STAU2: variants seen among roughly 807,000 people sequenced by gnomAD.
STAU2 encodes double-stranded RNA-binding protein Staufen homolog 2.
Under a neutral mutation model 65.9 loss-of-function variants are expected in STAU2, and 20 were observed. That is an observed-to-expected ratio of 0.30 (90% CI 0.21 to 0.44). The LOEUF is 0.44. Among genes scored for constraint, STAU2 ranks in the 20% least tolerant of loss-of-function variants. The pLI is 1.00. For missense variants in STAU2, 558 were observed against 683.9 expected, an observed-to-expected ratio of 0.82 and a Z score of 2.05; for synonymous variants, 232 against 233.9, an observed-to-expected ratio of 0.99 and a Z score of 0.07.
At chr8:73,465,362 T>C (rs1189360207) in intron 13 of STAU2, among the ~76,000 whole-genome samples, 1 of 152,244 alleles carries the variant, frequency 6.6e-6, no homozygotes, top group African/African-American at 2.4e-5. Context: ...TCCTAGAATA[T>C]AGCCCATTGT....
chr8:73,614,166 C>T (rs1489994833), intron 8 of STAU2, among the ~76,000 whole-genome samples: 3 of 152,140 alleles, frequency 2.0e-5, no homozygotes, highest in Non-Finnish European at 4.4e-5. Context: ...TAAATAAACA[C>T]ATTTGATTCA....
chr8:73,663,094 G>A lies in STAU2; in HGVS notation c.410+10013C>T, dbSNP rs556678429. Among the ~76,000 whole-genome samples, 6 of 151,882 alleles carry A rather than the reference G, an allele frequency of 4.0e-5. No individual in the cohort carries two copies. In the East Asian group the frequency reaches 9.7e-4, roughly 24 times the overall value. ...CAGAGATCAGCAAACTTCTGTAAAG[G>A]GCCCAATATAAAATATTTTGGGCTT... On this transcript the variant is annotated intron_variant, in intron 6 of 14. Transcript: ENST00000524300.
At chr8:73,462,637 A>G (rs2128900683) in intron 13 of STAU2, among the ~76,000 whole-genome samples, 1 of 151,410 alleles carries the variant, frequency 6.6e-6, no homozygotes, top group East Asian at 2.0e-4. Context: ...GGCTCAAGCA[A>G]TCCTCCTGCC....
At chr8:73,595,787 T>C (rs1374441776) in intron 10 of STAU2, among the ~76,000 whole-genome samples, 14 of 152,080 alleles carry the variant, frequency 9.2e-5, no homozygotes, top group Admixed American at 9.2e-4. Flanking sequence ...CTGAAGAGAA[T>C]TAATATACAA....
At chr8:73,472,214 G>C (rs1008889230) in intron 13 of STAU2, among the ~76,000 whole-genome samples, 1 of 152,158 alleles carries the variant, frequency 6.6e-6, no homozygotes, top group South Asian at 2.1e-4. Flanking sequence ...TTAAAATAAG[G>C]CTTCATGAAA....
intron 13 of STAU2, among the ~76,000 whole-genome samples, chr8:73,494,057 G>A (rs897295159): frequency 6.6e-6 from 1 of 151,674 alleles, no homozygotes; most frequent in Non-Finnish European, 1.5e-5. Flanking sequence ...GGGACGTGAA[G>A]GAACTTATTG....
intron 13 of STAU2, among the ~76,000 whole-genome samples, chr8:73,496,036 G>T (rs1343379111): frequency 1.3e-5 from 2 of 151,512 alleles, no homozygotes; most frequent in East Asian, 3.9e-4. Flanking sequence ...ACAGATGTCT[G>T]CCTCTTTCTT....
chr8:73,654,683 C>CT (rs764223379), intron 6 of STAU2, among the ~76,000 whole-genome samples: 40,465 of 63,026 alleles, frequency 0.64, 15,031 homozygotes, highest in East Asian at 0.74. Flanking sequence ...ATTATCAAAC[C>CT]TTTTTTTTTT....
intron 6 of STAU2, among the ~76,000 whole-genome samples, chr8:73,627,359 G>A (rs977942048): frequency 1.3e-5 from 2 of 152,022 alleles, no homozygotes; most frequent in African/African-American, 2.4e-5. Context: ...AGGGATTCAG[G>A]ATGGAGTCCA....
In STAU2 at chr8:73,610,538, C is replaced by CA. The variant is rs59599554; in HGVS notation, c.891+3205dup. ...TGGGAGACAGAGTTAGACCCCGTCT[C>CA]AAAAAAAAAAAAAAAAAAAAGGCAG... On this transcript the variant is annotated intron_variant, in intron 9 of 14. Transcript: ENST00000524300. Among the ~76,000 whole-genome samples the CA allele has an allele frequency of 4.5e-3, 430 of 95,096 alleles. 5 individuals are homozygous for CA. Among genetic ancestry groups the CA allele is most frequent in the African/African-American group, 0.013 (331 of 26,180 alleles). The allele number at this position is 95,096 out of a possible 152,430, so 62.4% of individuals were successfully genotyped here.
At chr8:73,696,853 G>A (rs935421526) in intron 4 of STAU2, among the ~76,000 whole-genome samples, 6 of 152,030 alleles carry the variant, frequency 3.9e-5, no homozygotes, top group South Asian at 2.1e-4. Flanking sequence ...TTTCCCAAAC[G>A]AGAAAGATAA....
chr8:73,721,059 C>A (rs1447790396), intron 3 of STAU2, among the ~76,000 whole-genome samples: 1 of 145,520 alleles, frequency 6.9e-6, no homozygotes, highest in Non-Finnish European at 1.5e-5. Context: ...GCAGGAGGAT[C>A]ACCTGAACCC....
chr8:73,629,447 TA>T (rs1813927453), intron 6 of STAU2, among the ~76,000 whole-genome samples: 2 of 152,184 alleles, frequency 1.3e-5, no homozygotes, highest in South Asian at 4.1e-4. Flanking sequence ...AGAATTAATC[TA>T]AAAGATAATC....
intron 6 of STAU2, among the ~76,000 whole-genome samples, chr8:73,640,091 T>A (rs1814838612): frequency 6.6e-6 from 1 of 152,160 alleles, no homozygotes; most frequent in East Asian, 1.9e-4. Context: ...CAACTTCAAA[T>A]ATAAAAAGTG....
intron 13 of STAU2, chr8:73,441,621 G>C (rs2128890425): frequency 6.6e-6 from 1 of 152,288 alleles, no homozygotes; most frequent in South Asian, 2.1e-4. Context: ...ATGAATGAGT[G>C]GTTAGAAACA....
chr8:73,552,295 G>C lies in STAU2; in HGVS notation c.1247C>G (p.Ser416Cys). The change falls in exon 13 of 15, where the codon TCT (serine) becomes TGT (cysteine). Residue 416 changes from serine to cysteine, a missense_variant. Around this residue, in one of 3 missense-constraint regions of STAU2, gnomAD observed 247 missense variants for 270.1 expected, o/e 0.91. Coordinates refer to ENST00000524300, the MANE Select transcript of STAU2 (RefSeq NM_001164380.2). ...NNTPKGILHL[S>C]PDVYQEMEAS... is the part of the protein sequence containing the mutation. The stretch of plus-strand genomic sequence containing the variant: ...TTCCATCTCTTGATAAACATCAGGA[G>C]ACAAATGAAGAATTCCTTTTGGAGC... 1.2e-6 allele frequency: 2 copies of C among 1,612,330 alleles called. No homozygotes were observed. Among genetic ancestry groups the C allele is most frequent in the Non-Finnish European group, 1.7e-6 (2 of 1,179,174 alleles).
chr8:73,433,706 G>A (rs1454246463), intron 13 of STAU2, among the ~76,000 whole-genome samples: 1 of 151,844 alleles, frequency 6.6e-6, no homozygotes, highest in Non-Finnish European at 1.5e-5. Context: ...TCGCCATGTT[G>A]GCCAGGCTGG....
At chr8:73,576,356 A>C (rs896545455) in intron 12 of STAU2, among the ~76,000 whole-genome samples, 6 of 152,078 alleles carry the variant, frequency 3.9e-5, no homozygotes, top group African/African-American at 1.4e-4. Flanking sequence ...GGGGCGGGAG[A>C]GGGCAGAATT....
intron 6 of STAU2, among the ~76,000 whole-genome samples, chr8:73,637,477 TAAAAAAAAAA>T (rs60833468): frequency 5.3e-5 from 3 of 57,084 alleles, no homozygotes; most frequent in Non-Finnish European, 8.9e-5. Context: ...GTGCTGAAAG[TAAAAAAAAAA>T]AAAAAAAAAA....
Sources: gnomAD v4.1 joint callset for allele counts (sites outside exome capture counted in the v4.1 genomes callset) on GRCh38, gnomAD v4.1.1 for gene constraint, gnomAD v4.1.1 regional missense constraint, MANE v1.5 for transcripts, NCBI Gene and HGNC (gene_info 2026-07-23, HGNC 2026-07-21) for gene names.